PLCB1: variants seen among roughly 807,000 people sequenced by gnomAD.
PLCB1 encodes the protein 1-phosphatidylinositol 4,5-bisphosphate phosphodiesterase beta-1.
In PLCB1, 46 loss-of-function variants were observed where a neutral mutation model predicts 161.8. The ratio of observed to expected loss-of-function variants is 0.28; its 90% confidence interval spans 0.22 to 0.36. The LOEUF (loss-of-function observed/expected upper bound fraction) is 0.36. Ranked by LOEUF, PLCB1 falls within the 10% of genes least tolerant of loss-of-function variation. The pLI, the probability that PLCB1 is intolerant of heterozygous loss-of-function variation, is 1.00. For synonymous variants in PLCB1, 517 were observed against 503.7 expected (o/e 1.03, Z -0.35); for missense variants, 1,016 against 1,472.5 (o/e 0.69, Z 5.07).
intron 9 of PLCB1, among the ~76,000 whole-genome samples, chr20:8,667,097 C>T (rs1292028477): frequency 6.6e-6 from 1 of 152,110 alleles, no homozygotes; most frequent in Non-Finnish European, 1.5e-5. Context: ...ACAGAACCGA[C>T]GTGAATCAAC....
chr20:8,439,095 T>G (rs1390542153), intron 3 of PLCB1, among the ~76,000 whole-genome samples: 2 of 152,222 alleles, frequency 1.3e-5, no homozygotes, highest in Admixed American at 1.3e-4. Context: ...TTATCCTACC[T>G]GTGTATCCCT....
chr20:8,201,574 A>C (rs2052091985), intron 2 of PLCB1, among the ~76,000 whole-genome samples: 1 of 152,170 alleles, frequency 6.6e-6, no homozygotes, highest in Non-Finnish European at 1.5e-5. Context: ...ATGCAAAAGT[A>C]AGCCTTCAAC....
intron 3 of PLCB1, among the ~76,000 whole-genome samples, chr20:8,594,718 ATCAATATGAAC>A (rs1457781790): frequency 3.3e-5 from 5 of 152,090 alleles, no homozygotes; most frequent in African/African-American, 1.2e-4. Flanking sequence ...AGACAATGAC[ATCAATATGAAC>A]TCAGTGCTTT....
chr20:8,167,039 G>A (rs951531722), intron 2 of PLCB1, among the ~76,000 whole-genome samples: 1 of 152,080 alleles, frequency 6.6e-6, no homozygotes, highest in African/African-American at 2.4e-5. Context: ...CTCTTAATGG[G>A]GAAAGTAACT....
At chr20:8,277,593 C>T (rs1288686147) in intron 2 of PLCB1, among the ~76,000 whole-genome samples, 1 of 152,118 alleles carries the variant, frequency 6.6e-6, no homozygotes, top group Non-Finnish European at 1.5e-5. Flanking sequence ...CCAACCCCAA[C>T]CCAGACATAC....
At chr20:8,570,843 TGAG>T (rs1270812046) in intron 3 of PLCB1, among the ~76,000 whole-genome samples, 1 of 152,140 alleles carries the variant, frequency 6.6e-6, no homozygotes, top group Non-Finnish European at 1.5e-5. Flanking sequence ...GAGGACTCTT[TGAG>T]GAGGAGACAT....
chr20:8,459,751 G>A (rs1420723577), intron 3 of PLCB1, among the ~76,000 whole-genome samples: 1 of 152,120 alleles, frequency 6.6e-6, no homozygotes, highest in East Asian at 1.9e-4. Flanking sequence ...TTTTTCCCTT[G>A]CCTATTGTAT....
At chr20:8,474,265 T>C (rs988891944) in intron 3 of PLCB1, among the ~76,000 whole-genome samples, 3 of 152,080 alleles carry the variant, frequency 2.0e-5, no homozygotes, top group Admixed American at 2.0e-4. Context: ...CAATGGCAGG[T>C]AGAGTTTCAT....
intron 2 of PLCB1, among the ~76,000 whole-genome samples, chr20:8,320,556 G>A (rs1202166327): frequency 6.6e-6 from 1 of 152,136 alleles, no homozygotes; most frequent in Non-Finnish European, 1.5e-5. Context: ...GCTTCAGTTA[G>A]GGTTTCCATA....
At chr20:8,389,116 C>T (rs1987517012) in intron 3 of PLCB1, among the ~76,000 whole-genome samples, 1 of 151,968 alleles carries the variant, frequency 6.6e-6, no homozygotes, top group Non-Finnish European at 1.5e-5. Flanking sequence ...AAGCTTTTTA[C>T]TTTAAAAAAA....
chr20:8,628,437 G>A lies in PLCB1; in HGVS notation c.384+6G>A. ...TCCAAGAAGAAGTGGCCAAGGTATG[G>A]TGGATGGAAATTGCTAAAGCTTATC... On this transcript the variant is annotated splice_donor_region_variant and intron_variant, in intron 4 of 31. Transcript: ENST00000338037. The A allele has an allele frequency of 6.2e-7, 1 of 1,613,960 alleles. No homozygotes were observed. Among genetic ancestry groups the A allele is most frequent in the Non-Finnish European group, 8.5e-7 (1 of 1,179,914 alleles).
intron 2 of PLCB1, among the ~76,000 whole-genome samples, chr20:8,259,419 C>A (rs974786800): frequency 6.6e-6 from 1 of 151,898 alleles, no homozygotes; most frequent in African/African-American, 2.4e-5. Context: ...GACTTAGAGA[C>A]CAGCCTGGGC....
In PLCB1 at chr20:8,767,385, C is replaced by G. The variant is rs560451292; in HGVS notation, c.2930+2027C>G. Among the ~76,000 whole-genome samples, 103 of 152,262 alleles carry G rather than the reference C, an allele frequency of 6.8e-4. 6 individuals are homozygous for G. In the South Asian group the frequency reaches 0.021, roughly 31 times the overall value. Reference sequence around the variant, plus strand: ...AATTGAAGGGTGGCTGAAAGGCTTTCTTTGGTCTAATCCCTGCCTCCCTTC... The same window carrying G: ...AATTGAAGGGTGGCTGAAAGGCTTTGTTTGGTCTAATCCCTGCCTCCCTTC... On this transcript the variant is annotated intron_variant, in intron 26 of 31. Transcript: ENST00000338037.
chr20:8,717,916 C>T lies in PLCB1; in HGVS notation c.1513+68C>T, dbSNP rs770109172. On this transcript the variant is annotated intron_variant, in intron 14 of 31. Transcript: ENST00000338037. ...TTAAGAATTGCTGCTCTGGGCTGTGCGTGGTGGCTCATGCCTGTAATACTA... is the reference window on the plus strand; with the variant it reads ...TTAAGAATTGCTGCTCTGGGCTGTGTGTGGTGGCTCATGCCTGTAATACTA... 531 of 1,427,892 alleles carry T rather than the reference C, an allele frequency of 3.7e-4. 1 individual carries two copies. The highest frequency in any genetic ancestry group is 4.8e-4 in the Non-Finnish European group (511 of 1,063,676). The allele number at this position is 1,427,892 out of a possible 1,614,324, so 88.5% of individuals were successfully genotyped here.
chr20:8,436,563 CTCTCT>C (rs77156737), intron 3 of PLCB1, among the ~76,000 whole-genome samples: 70 of 150,482 alleles, frequency 4.7e-4, no homozygotes, highest in Non-Finnish European at 7.8e-4. Flanking sequence ...TCTTTTTTTT[CTCTCT>C]TCTCTGTCTC....
intron 2 of PLCB1, among the ~76,000 whole-genome samples, chr20:8,204,685 G>A (rs971145347): frequency 5.9e-5 from 9 of 152,148 alleles, no homozygotes; most frequent in Non-Finnish European, 1.0e-4. Flanking sequence ...CACATGCTTC[G>A]GGTACGGCCT....
At chr20:8,658,489 G>T (rs1568549496) in intron 8 of PLCB1, 49 bp from the exon 9 acceptor site, 6 of 1,388,308 alleles carry the variant, frequency 4.3e-6, no homozygotes, top group East Asian at 4.6e-5. Flanking sequence ...ATATTAGAAT[G>T]AAACTTAGTT....
Position 8,740,456 on chromosome 20 carries a change from A to C in PLCB1, c.2413+8A>C, listed in dbSNP as rs1332027028. ...TGCCAGACACATATGCAGGTAAACA[A>C]CTTAACTCAAATACCACTTTACTCA... On this transcript the variant is annotated splice_region_variant and intron_variant, in intron 22 of 31. Transcript: ENST00000338037. 1 of 1,473,482 alleles carries C rather than the reference A, an allele frequency of 6.8e-7. No homozygotes were observed. Among genetic ancestry groups the C allele is most frequent in the Admixed American group, 2.1e-5 (1 of 48,028 alleles). 91.3% of individuals were successfully genotyped at this position (1,473,482 alleles called of 1,614,324 possible).
chr20:8,465,520 C>T (rs1466030925), intron 3 of PLCB1, among the ~76,000 whole-genome samples: 1 of 152,128 alleles, frequency 6.6e-6, no homozygotes, highest in Non-Finnish European at 1.5e-5. Context: ...AGTCCTTAGA[C>T]TTTTTCTCTG....
Sources: gnomAD v4.1 joint callset for allele counts (sites outside exome capture counted in the v4.1 genomes callset) on GRCh38, gnomAD v4.1.1 for gene constraint, MANE v1.5 for transcripts, NCBI Gene and HGNC (gene_info 2026-07-23, HGNC 2026-07-21) for gene names.